Variants in HIBCH observed in about 807,000 individuals in gnomAD.
HIBCH encodes 3-hydroxyisobutyryl-CoA hydrolase.
A neutral mutation model predicts 58.2 loss-of-function variants in HIBCH; 50 were observed. The ratio of observed to expected loss-of-function variants is 0.86; its 90% CI spans 0.68 to 1.09. HIBCH has a LOEUF of 1.09. Ranked by LOEUF, HIBCH falls within the 50% of genes least tolerant of loss-of-function variation. The pLI is 0.00. For missense variants in HIBCH, 450 were observed against 449.7 expected (o/e 1.00, Z -0.01); for synonymous variants, 151 against 146.9 (o/e 1.03, Z -0.20).
intron 1 of HIBCH, among the ~76,000 whole-genome samples, chr2:190,193,736 G>A (rs368554156): frequency 2.6e-5 from 4 of 152,090 alleles, no homozygotes; most frequent in Non-Finnish European, 4.4e-5. Flanking sequence ...GTATAGAGAT[G>A]TATCTATTAG....
At chr2:190,201,153 A>T (rs898100599), downstream of HIBCH, 8 of 166,990 alleles carry the variant, frequency 4.8e-5, no homozygotes, top group African/African-American at 1.9e-4. Flanking sequence ...GTTATTTTTT[A>T]GTGGTAACAC....
At chr2:190,271,282 CTTTTTTTTT>C (rs35074167) in intron 6 of HIBCH, among the ~76,000 whole-genome samples, 2 of 83,774 alleles carry the variant, frequency 2.4e-5, no homozygotes, top group African/African-American at 9.8e-5. Context: ...CTCTACCCTA[CTTTTTTTTT>C]TTTTTTTTTT....
Position 190,296,864 on chromosome 2 carries a change from G to A in HIBCH, c.168C>T (p.Phe56=), listed in dbSNP as rs1278057799. The part of the protein sequence containing the change: ...TGVITLNRPK[F]LNALTLNMIR... The stretch of plus-strand genomic sequence containing the variant: ...TCATATTAAGAGTCAGTGCATTGAG[G>A]AACTTTGGTCTGTTTAGTGTTATGA... The change falls in exon 3 of 14, where the codon TTC becomes TTT. Residue 56 remains phenylalanine, a synonymous_variant. Transcript: ENST00000359678. The A allele has an allele frequency of 6.2e-7, 1 of 1,613,878 alleles. No homozygotes were observed. The highest frequency in any genetic ancestry group is 1.7e-5 in the Admixed American group (1 of 60,004).
At position 190,304,087 on chromosome 2, in the gene HIBCH, A is replaced by G. The variant is rs536547256; in HGVS notation, c.78+6667T>C. Among the ~76,000 whole-genome samples, 3 of 152,176 alleles carry G rather than the reference A, an allele frequency of 2.0e-5. No homozygotes were observed. The highest frequency in any genetic ancestry group is 4.4e-5 in the Non-Finnish European group (3 of 68,034). On this transcript the variant is annotated intron_variant, in intron 2 of 13. Coordinates refer to ENST00000359678, the MANE Select transcript of HIBCH (RefSeq NM_014362.4). The surrounding 1 kb of genome is among the most constrained non-coding windows in gnomAD (Gnocchi z 4.1). ...AAACTATCACAGACTAGAGGAAACTAAAAAGCATGACAAGTGAATGCAGTG... is the reference window on the plus strand; with the variant it reads ...AAACTATCACAGACTAGAGGAAACTGAAAAGCATGACAAGTGAATGCAGTG...
chr2:190,293,370 T>C (rs2105988404), intron 4 of HIBCH, among the ~76,000 whole-genome samples: 1 of 152,056 alleles, frequency 6.6e-6, no homozygotes, highest in East Asian at 1.9e-4. Flanking sequence ...GGAGAATTGT[T>C]TGAACCTGGG....
chr2:190,314,041 G>T (rs964011227), intron 1 of HIBCH, among the ~76,000 whole-genome samples: 2 of 151,944 alleles, frequency 1.3e-5, no homozygotes, highest in Admixed American at 1.3e-4. Flanking sequence ...CCAAATGTAG[G>T]TTCAAGGTTC....
chr2:190,272,709 T>C (rs1356147875), intron 6 of HIBCH, among the ~76,000 whole-genome samples: 5 of 151,530 alleles, frequency 3.3e-5, no homozygotes. Context: ...TTGCCAAGAA[T>C]ATCTATACTC....
chr2:190,200,054 T>TGTC, downstream of HIBCH: 2 of 1,614,124 alleles, frequency 1.2e-6, no homozygotes. Context: ...GCACACCGCC[T>TGTC]GTCTCAGGAT....
Position 190,205,889 on chromosome 2 carries a change from G to A in HIBCH, c.1046-657C>T, listed in dbSNP as rs115559099. Among the ~76,000 whole-genome samples the A allele has an allele frequency of 6.7e-3, 1,013 of 152,244 alleles. 11 individuals are homozygous for A. Among genetic ancestry groups the A allele is most frequent in the African/African-American group, 0.022 (920 of 41,534 alleles). On this transcript the variant is annotated intron_variant, in intron 13 of 13. Coordinates refer to ENST00000359678, the MANE Select transcript of HIBCH (RefSeq NM_014362.4). ...TCTCCGAAAAAAAAGGGGGAGGAAT[G>A]TCCAGTATACTGTAGTTACACACAC... is the stretch of plus-strand genomic sequence containing the variant.
chr2:190,194,004 A>G lies in HIBCH; in HGVS notation c.*18-4007T>C, dbSNP rs553311935. ...TTGGCTTTTGTTTAGTTGAAACTAT[A>G]TTTTAATTTCTCCTGTGATTTTCTT... On this transcript the variant is annotated intron_variant, in intron 1 of 1. Transcript: ENST00000399855. Among the ~76,000 whole-genome samples the G allele has an allele frequency of 2.6e-5, 4 of 152,262 alleles. No individual in the cohort carries two copies. In the East Asian group the frequency reaches 7.7e-4, roughly 29 times the overall value.
intron 2 of HIBCH, among the ~76,000 whole-genome samples, chr2:190,308,722 C>T (rs1489791122): frequency 2.0e-5 from 3 of 152,136 alleles, no homozygotes; most frequent in African/African-American, 4.8e-5. Context: ...TTTACAAATT[C>T]CTCAGTTTTA....
intron 13 of HIBCH, among the ~76,000 whole-genome samples, chr2:190,208,502 A>G (rs1180642129): frequency 6.6e-6 from 1 of 152,212 alleles, no homozygotes; most frequent in Non-Finnish European, 1.5e-5. Context: ...AACAATTATC[A>G]GTTTCAAAGA....
At position 190,207,871 on chromosome 2, in the gene HIBCH, A is replaced by G. The variant is rs1239412193; in HGVS notation, c.1045+1009T>C. On this transcript the variant is annotated intron_variant, in intron 13 of 13. Coordinates refer to ENST00000359678, the MANE Select transcript of HIBCH (RefSeq NM_014362.4). The surrounding 1 kb of genome is among the most constrained non-coding windows in gnomAD (Gnocchi z 4.5). ...ACTCCAGCCTGGGTGACAGTGTGAG[A>G]CCCTGTCTCCAAAAAAAATAAAATA... Among the ~76,000 whole-genome samples the G allele has an allele frequency of 6.7e-6, 1 of 149,956 alleles. No homozygotes were observed. Among genetic ancestry groups the G allele is most frequent in the African/African-American group, 2.5e-5 (1 of 40,428 alleles).
chr2:190,313,400 CG>C (rs1323328817), intron 1 of HIBCH, among the ~76,000 whole-genome samples: 2 of 152,076 alleles, frequency 1.3e-5, no homozygotes, highest in African/African-American at 2.4e-5. Flanking sequence ...AACCCAAATG[CG>C]TAAGGGATAA....
At chr2:190,195,941 CTTTTTTTTT>C (rs35679833) in intron 1 of HIBCH, among the ~76,000 whole-genome samples, 2 of 86,210 alleles carry the variant, frequency 2.3e-5, no homozygotes, top group Non-Finnish European at 4.6e-5. Context: ...CTGTGTCCAG[CTTTTTTTTT>C]TTTTTTTTTT....
At chr2:190,245,204 T>C (rs1686571233) in intron 10 of HIBCH, 1 of 448,796 alleles carries the variant, frequency 2.2e-6, no homozygotes, top group Non-Finnish European at 4.1e-6. Flanking sequence ...GCATCTGTTA[T>C]ATTTCCATGT....
At position 190,243,721 on chromosome 2, in the gene HIBCH, A is replaced by C. The variant is rs1230258251; in HGVS notation, c.891+1166T>G. 6.6e-6 allele frequency among the ~76,000 whole-genome samples: 1 copy of C among 152,164 alleles called. No individual in the cohort carries two copies. The highest frequency in any genetic ancestry group is 2.4e-5 in the African/African-American group (1 of 41,440). On this transcript the variant is annotated intron_variant, in intron 11 of 13. Coordinates refer to ENST00000359678, the MANE Select transcript of HIBCH (RefSeq NM_014362.4). The surrounding 1 kb of genome is among the most constrained non-coding windows in gnomAD (Gnocchi z 4.1). Reference sequence around the variant, plus strand: ...GGTGGCTCACACCTGTAATCCCAGCACTTTGGGAAGCTGAGGTGGGTGAAT... The same window carrying C: ...GGTGGCTCACACCTGTAATCCCAGCCCTTTGGGAAGCTGAGGTGGGTGAAT...
chr2:190,259,237 T>A (rs1462231071), intron 7 of HIBCH, among the ~76,000 whole-genome samples: 1 of 152,156 alleles, frequency 6.6e-6, no homozygotes, highest in African/African-American at 2.4e-5. Flanking sequence ...ATTCTTCCAA[T>A]CCATGAACAT....
chr2:190,206,752 A>G lies in HIBCH; in HGVS notation c.1046-1520T>C, dbSNP rs149299065. On this transcript the variant is annotated intron_variant, in intron 13 of 13. Coordinates refer to ENST00000359678, the MANE Select transcript of HIBCH (RefSeq NM_014362.4). The surrounding 1 kb of genome is among the most constrained non-coding windows in gnomAD (Gnocchi z 5.1). The stretch of plus-strand genomic sequence containing the variant: ...AGCAAACTGCAGCAAACATTTGACT[A>G]TGTAAAGAACACAACAGTTTTCAAT... Among the ~76,000 whole-genome samples, 19 of 152,358 alleles carry G rather than the reference A, an allele frequency of 1.2e-4. No individual in the cohort carries two copies. The highest frequency in any genetic ancestry group is 4.3e-4 in the African/African-American group (18 of 41,586).
Sources: gnomAD v4.1 joint callset for allele counts (sites outside exome capture counted in the v4.1 genomes callset) on GRCh38, gnomAD v4.1.1 for gene constraint, Gnocchi (gnomAD v3.1) non-coding constraint, MANE v1.5 for transcripts, NCBI Gene and HGNC (gene_info 2026-07-23, HGNC 2026-07-21) for gene names.